The following TDRD5 variants were observed in gnomAD, a reference collection of about 807,000 sequenced individuals.
TDRD5 encodes the protein tudor domain-containing protein 5.
A neutral mutation model predicts 120.6 loss-of-function variants in TDRD5; 41 were observed. That is an observed-to-expected ratio of 0.34 (90% confidence interval 0.26 to 0.44). The LOEUF (loss-of-function observed/expected upper bound fraction) is 0.44, where lower values mean the gene tolerates loss of function less well. TDRD5 is among the 20% of genes least tolerant of loss of function. TDRD5 has a pLI of 1.00. For synonymous variants in TDRD5, 430 were observed against 433.7 expected (o/e 0.99, Z 0.11); for missense variants, 1,006 against 1,221.2 (o/e 0.82, Z 2.63).
Position 179,645,511 on chromosome 1 carries a change from A to AC in TDRD5, c.1800+5066_1800+5067insC, listed in dbSNP as rs1678307478. Among the ~76,000 whole-genome samples, 11 of 152,340 alleles carry AC rather than the reference A, an allele frequency of 7.2e-5. No individual in the cohort carries two copies. In the South Asian group the frequency reaches 2.3e-3, roughly 32 times the overall value. On this transcript the variant is annotated intron_variant, in intron 11 of 17. Transcript: ENST00000444136. ...TGCAGAGGCTGATAGATGGTCCAGT[A>AC]TAGTGTCACTTTTTGTAAATGGTGG... is the stretch of plus-strand genomic sequence containing the variant.
chr1:179,657,409 T>C (rs2102081621), intron 14 of TDRD5, among the ~76,000 whole-genome samples: 1 of 152,306 alleles, frequency 6.6e-6, no homozygotes, highest in East Asian at 1.9e-4. Flanking sequence ...GTATTTTAAT[T>C]GCTAGTATAT....
At chr1:179,674,685 GAC>G (rs1376597014) in intron 17 of TDRD5, among the ~76,000 whole-genome samples, 2 of 151,972 alleles carry the variant, frequency 1.3e-5, no homozygotes, top group African/African-American at 4.8e-5. Flanking sequence ...TTTTTTTGTT[GAC>G]AGTTTTTTTT....
rs879312785 is a variant in TDRD5 at position 179,675,270 on chromosome 1, A to ATTTTTTTTT, written c.2860+5868_2860+5869insTTTTTTTTT. On this transcript the variant is annotated intron_variant, in intron 17 of 17. Coordinates refer to ENST00000444136, the MANE Select transcript of TDRD5 (RefSeq NM_001199085.3). The stretch of plus-strand genomic sequence containing the variant: ...TCAAAGAATTTTTATTATTATTATT[A>ATTTTTTTTT]TTATTTTTTTTTTTTTTTTTTTTTT... Among the ~76,000 whole-genome samples the ATTTTTTTTT allele has an allele frequency of 2.3e-3, 136 of 59,192 alleles. 8 individuals are homozygous for ATTTTTTTTT. Among genetic ancestry groups the ATTTTTTTTT allele is most frequent in the Non-Finnish European group, 3.3e-3 (95 of 28,722 alleles). The allele number at this position is 59,192 out of a possible 152,430, so 38.8% of individuals were successfully genotyped here. A position where few individuals can be genotyped will look rare whatever the true frequency, so the allele number is the denominator to read the frequency against.
chr1:179,669,075 T>G, intron 16 of TDRD5, 119 bp from the exon 17 acceptor site: 1 of 1,005,088 alleles, frequency 9.9e-7, no homozygotes, highest in Non-Finnish European at 1.4e-6. Context: ...AGTGAGTAGT[T>G]TTATTTATTT....
At chr1:179,658,256 C>T (rs940867091) in intron 14 of TDRD5, among the ~76,000 whole-genome samples, 1 of 152,112 alleles carries the variant, frequency 6.6e-6, no homozygotes, top group Non-Finnish European at 1.5e-5. Context: ...CAGGTTGATA[C>T]TGTCCTAATA....
At chr1:179,636,962 T>C (rs1299063830) in intron 9 of TDRD5, among the ~76,000 whole-genome samples, 3 of 152,226 alleles carry the variant, frequency 2.0e-5, no homozygotes, top group African/African-American at 4.8e-5. Context: ...GTAAAAATCA[T>C]GTTTGTGGAC....
chr1:179,640,062 T>C lies in TDRD5; in HGVS notation c.1733+11T>C, dbSNP rs1197084813. The C allele has an allele frequency of 4.3e-6, 7 of 1,613,176 alleles. No individual in the cohort carries two copies. Among genetic ancestry groups the C allele is most frequent in the South Asian group, 1.1e-5 (1 of 91,064 alleles). ...CCTGAGGTTCCTCAAGTGAGTTGAA[T>C]TGAATTAGAACAATGGATGAATTAA... is the stretch of plus-strand genomic sequence containing the variant. On this transcript the variant is annotated intron_variant, in intron 10 of 17. Coordinates refer to ENST00000444136, the MANE Select transcript of TDRD5 (RefSeq NM_001199085.3).
chr1:179,620,671 T>A (rs1173068088), intron 5 of TDRD5, among the ~76,000 whole-genome samples: 1 of 152,162 alleles, frequency 6.6e-6, no homozygotes, highest in Non-Finnish European at 1.5e-5. Context: ...TTTTCTAATG[T>A]TTATTGCATT....
intron 14 of TDRD5, among the ~76,000 whole-genome samples, chr1:179,660,211 GTTTTTTTTT>G (rs34435630): frequency 1.7e-5 from 1 of 58,222 alleles, no homozygotes; most frequent in South Asian, 9.5e-4. Context: ...ATCTACTATG[GTTTTTTTTT>G]TTTTTTTTTT....
intron 16 of TDRD5, among the ~76,000 whole-genome samples, chr1:179,666,382 T>C (rs566864454): frequency 2.6e-5 from 4 of 152,366 alleles, no homozygotes; most frequent in Non-Finnish European, 4.4e-5. Flanking sequence ...TTCATGTGAC[T>C]TTAAACAATA....
chr1:179,624,221 A>G (rs1676995737), intron 6 of TDRD5, among the ~76,000 whole-genome samples: 1 of 152,220 alleles, frequency 6.6e-6, no homozygotes, highest in African/African-American at 2.4e-5. Context: ...AATTACCAAA[A>G]TTTAATACCC....
chr1:179,596,526 A>G (rs1477842561), intron 4 of TDRD5, among the ~76,000 whole-genome samples: 1 of 152,208 alleles, frequency 6.6e-6, no homozygotes, highest in Non-Finnish European at 1.5e-5. Context: ...ACTGCTTTCT[A>G]TGATTTTGGC....
intron 1 of TDRD5, chr1:179,592,389 G>T: frequency 3.9e-6 from 2 of 510,062 alleles, no homozygotes; most frequent in Admixed American, 6.5e-5. Context: ...CAGGGGCAGA[G>T]TTCTTGACAC....
At chr1:179,619,005 A>G (rs1355704030) in intron 5 of TDRD5, among the ~76,000 whole-genome samples, 2 of 152,104 alleles carry the variant, frequency 1.3e-5, no homozygotes, top group Admixed American at 1.3e-4. Flanking sequence ...TATTGTTCCA[A>G]TGTGTGTTAT....
intron 5 of TDRD5, 126 bp from the exon 6 acceptor site, chr1:179,620,904 CAATTT>C (rs558856120): frequency 5.1e-6 from 3 of 587,436 alleles, no homozygotes; most frequent in East Asian, 4.2e-5. Context: ...CAAAAAAAAA[CAATTT>C]AATATGACTA....
At chr1:179,650,787 C>A in intron 11 of TDRD5, 80 bp from the exon 12 acceptor site, 1 of 1,404,124 alleles carries the variant, frequency 7.1e-7, no homozygotes, top group South Asian at 1.2e-5. Context: ...TCTAGTTCAT[C>A]AGAATTCATT....
chr1:179,625,994 C>G (rs907349629), intron 6 of TDRD5, among the ~76,000 whole-genome samples: 1 of 151,298 alleles, frequency 6.6e-6, no homozygotes, highest in Non-Finnish European at 1.5e-5. Context: ...TATTCTCACT[C>G]ATAGGTGGGA....
intron 6 of TDRD5, among the ~76,000 whole-genome samples, chr1:179,623,547 A>C (rs1303191129): frequency 6.6e-6 from 1 of 152,082 alleles, no homozygotes; most frequent in African/African-American, 2.4e-5. Flanking sequence ...GAATTCTGTT[A>C]AAACATTTAA....
intron 17 of TDRD5, among the ~76,000 whole-genome samples, chr1:179,679,639 T>G (rs1014751998): frequency 6.6e-6 from 1 of 152,138 alleles, no homozygotes; most frequent in African/African-American, 2.4e-5. Flanking sequence ...ACTGTAAAAT[T>G]TATTAACATA....
Sources: gnomAD v4.1 joint callset for allele counts (sites outside exome capture counted in the v4.1 genomes callset) on GRCh38, gnomAD v4.1.1 for gene constraint, MANE v1.5 for transcripts, NCBI Gene and HGNC (gene_info 2026-07-23, HGNC 2026-07-21) for gene names.